PITPNM3: variants seen among roughly 807,000 people sequenced by gnomAD.
PITPNM3 encodes the protein membrane-associated phosphatidylinositol transfer protein 3.
In PITPNM3, 26 loss-of-function variants were observed where a neutral mutation model predicts 102.0. The ratio of observed to expected loss-of-function variants is 0.25; its 90% CI spans 0.19 to 0.35. The LOEUF (loss-of-function observed/expected upper bound fraction) is 0.35, where lower values mean the gene tolerates loss of function less well. Among genes scored for constraint, PITPNM3 ranks in the 10% least tolerant of loss-of-function variants. PITPNM3 has a pLI of 1.00. For synonymous variants in PITPNM3, 578 were observed against 558.6 expected (o/e 1.03, Z -0.49); for missense variants, 1,083 against 1,346.1 (o/e 0.80, Z 3.06).
At chr17:6,494,317 C>T (rs935998453) in intron 4 of PITPNM3, among the ~76,000 whole-genome samples, 1 of 152,186 alleles carries the variant, frequency 6.6e-6, no homozygotes, top group African/African-American at 2.4e-5. Flanking sequence ...GCCCTGCCTC[C>T]TCAGGGAGAC....
chr17:6,540,560 C>A (rs558439636), intron 1 of PITPNM3, among the ~76,000 whole-genome samples: 16 of 152,276 alleles, frequency 1.1e-4, no homozygotes, highest in African/African-American at 3.4e-4. Context: ...TTTATTATTG[C>A]GGCTCTCTTT....
At chr17:6,456,216 C>T (rs1266221694) in intron 19 of PITPNM3, among the ~76,000 whole-genome samples, 6 of 151,992 alleles carry the variant, frequency 3.9e-5, no homozygotes, top group African/African-American at 4.8e-5. Context: ...GTAGAAACAG[C>T]GTCTTGCTAT....
intron 4 of PITPNM3, among the ~76,000 whole-genome samples, chr17:6,498,114 G>A (rs1906948618): frequency 6.6e-6 from 1 of 152,226 alleles, no homozygotes; most frequent in Non-Finnish European, 1.5e-5. Flanking sequence ...TATTGCAGCA[G>A]GAGGGGTGAG....
rs188366556 is a variant in PITPNM3, at chr17:6,504,552, G to C, written c.227-978C>G. ...CAGGCAGGGGTAAACAATGGGAAGA[G>C]TGTCCAGCTGGAATCTGGAGGCTGA... On this transcript the variant is annotated intron_variant, in intron 3 of 19. Transcript: ENST00000262483. 2.4e-3 allele frequency among the ~76,000 whole-genome samples: 369 copies of C among 152,284 alleles called. 1 individual carries two copies. Among genetic ancestry groups the C allele is most frequent in the Non-Finnish European group, 4.2e-3 (286 of 68,012 alleles).
At position 6,483,587 on chromosome 17, in the gene PITPNM3, G is replaced by A; in HGVS notation, c.517C>T (p.Leu173=). 2.5e-6 allele frequency: 4 copies of A among 1,614,106 alleles called. No individual in the cohort carries two copies. Among genetic ancestry groups the A allele is most frequent in the Non-Finnish European group, 3.4e-6 (4 of 1,180,022 alleles). The change falls in exon 6 of 20, where the codon CTG becomes TTG. Residue 173 remains leucine, a synonymous_variant. Transcript: ENST00000262483. The stretch of plus-strand genomic sequence containing the variant: ...ACGAACTTGATGAGGATGTGGCCCA[G>A]GGCAGCAGGGAAATGGGCTCGTGTG... ...KVTRAHFPAA[L]GHILIKFVPC... is the part of the protein sequence containing the mutation.
At chr17:6,535,590 C>T (rs1909367249) in intron 2 of PITPNM3, among the ~76,000 whole-genome samples, 2 of 151,760 alleles carry the variant, frequency 1.3e-5, no homozygotes, top group South Asian at 2.1e-4. Context: ...TGGGGAAAGA[C>T]GGGAGAGTCT....
In PITPNM3 at chr17:6,472,115, T is replaced by C. The variant is rs1456873455; in HGVS notation, c.1429+542A>G. Among the ~76,000 whole-genome samples the C allele has an allele frequency of 2.6e-5, 4 of 152,190 alleles. No homozygotes were observed. The highest frequency in any genetic ancestry group is 6.5e-5 in the Admixed American group (1 of 15,284). ...TCCCATCGACGATACACTCGGTCCATGCCCGGTTCACCCCACTTGACCCTG... is the reference window on the plus strand; with the variant it reads ...TCCCATCGACGATACACTCGGTCCACGCCCGGTTCACCCCACTTGACCCTG... On this transcript the variant is annotated intron_variant, in intron 11 of 19. Coordinates refer to ENST00000262483, the MANE Select transcript of PITPNM3 (RefSeq NM_031220.4). This position sits in a 1 kb window ranked among gnomAD's most constrained non-coding sequence, Gnocchi z 4.1.
At chr17:6,508,802 G>C (rs1907697686) in intron 3 of PITPNM3, among the ~76,000 whole-genome samples, 1 of 152,150 alleles carries the variant, frequency 6.6e-6, no homozygotes, top group Non-Finnish European at 1.5e-5. Context: ...GTGGCGCCCG[G>C]ACAGTAGGAA....
intron 4 of PITPNM3, among the ~76,000 whole-genome samples, chr17:6,492,216 C>A (rs1193970294): frequency 6.7e-6 from 1 of 148,518 alleles, no homozygotes; most frequent in South Asian, 2.1e-4. Context: ...GGCGCCCCCC[C>A]ACCATGCCCA....
rs556973141 is a variant in PITPNM3, at chr17:6,517,849, T to C, written c.226+7507A>G. 7.9e-5 allele frequency among the ~76,000 whole-genome samples: 12 copies of C among 152,292 alleles called. No individual in the cohort carries two copies. The highest frequency in any genetic ancestry group is 2.4e-4 in the African/African-American group (10 of 41,554). ...TATTGGGATTACAGGCATGAGCCAC[T>C]GTACCTGGCCAAAAATACCAGTTTT... On this transcript the variant is annotated intron_variant, in intron 3 of 19. Coordinates refer to ENST00000262483, the MANE Select transcript of PITPNM3 (RefSeq NM_031220.4). The surrounding 1 kb of genome is among the most constrained non-coding windows in gnomAD (Gnocchi z 4.1).
chr17:6,482,036 G>GTCTCTCTC lies in PITPNM3; in HGVS notation c.587+1480_587+1481insGAGAGAGA, dbSNP rs1567670360. Among the ~76,000 whole-genome samples, 31 of 25,840 alleles carry GTCTCTCTC rather than the reference G, an allele frequency of 1.2e-3. 2 individuals are homozygous for GTCTCTCTC. Among genetic ancestry groups the GTCTCTCTC allele is most frequent in the Non-Finnish European group, 1.6e-3 (20 of 12,762 alleles). 17.0% of individuals were successfully genotyped at this position (25,840 alleles called of 152,430 possible). ...TCTCTCTCTCTCTCTCTCTCTCTCT[G>GTCTCTCTC]TCTGTCTCTCTCTCTCTCTCTCTCT... On this transcript the variant is annotated intron_variant, in intron 6 of 19. Coordinates refer to ENST00000262483, the MANE Select transcript of PITPNM3 (RefSeq NM_031220.4).
intron 6 of PITPNM3, among the ~76,000 whole-genome samples, chr17:6,482,644 G>A (rs924360886): frequency 2.6e-5 from 4 of 152,156 alleles, no homozygotes; most frequent in African/African-American, 9.7e-5. Context: ...GGGCAGTCTT[G>A]TGGGACCAAG....
At chr17:6,555,541 T>C (rs1910553338) in intron 1 of PITPNM3, among the ~76,000 whole-genome samples, 1 of 152,104 alleles carries the variant, frequency 6.6e-6, no homozygotes. Context: ...TGGGCACAGC[T>C]GTCCTCCACC....
At chr17:6,485,840 A>G (rs1029522585) in intron 4 of PITPNM3, among the ~76,000 whole-genome samples, 5 of 152,182 alleles carry the variant, frequency 3.3e-5, no homozygotes, top group African/African-American at 1.2e-4. Context: ...AATCTGCCCC[A>G]CTGCCTGTTT....
At chr17:6,503,024 C>T (rs1359437168) in intron 4 of PITPNM3, among the ~76,000 whole-genome samples, 2 of 152,230 alleles carry the variant, frequency 1.3e-5, no homozygotes, top group Non-Finnish European at 2.9e-5. Context: ...TGGAGCAATA[C>T]TGAGGATCAT....
chr17:6,483,477 A>G (rs1349265605), intron 6 of PITPNM3, 40 bp downstream of exon 6: 13 of 1,578,190 alleles, frequency 8.2e-6, no homozygotes, highest in Non-Finnish European at 1.1e-5. Context: ...TAGTTCCCCC[A>G]CCAACCCCAA....
rs1407035121 is a variant in PITPNM3 at position 6,478,637 on chromosome 17, G to A, written c.687C>T (p.Tyr229=). Reference sequence around the variant, plus strand: ...CGATGACGGTGGCGACAGCATCCTGGTACTGCGGGGAGGAGATGGCCAACA... The same window carrying A: ...CGATGACGGTGGCGACAGCATCCTGATACTGCGGGGAGGAGATGGCCAACA... ...LPLLAISSPQ[Y]QDAVATVIER... is the part of the protein sequence containing the mutation. The change falls in exon 7 of 20, where the codon TAC becomes TAT. Residue 229 remains tyrosine, a synonymous_variant. Coordinates refer to ENST00000262483, the MANE Select transcript of PITPNM3 (RefSeq NM_031220.4). This position sits in a 1 kb window ranked among gnomAD's most constrained non-coding sequence, Gnocchi z 4.4. The A allele has an allele frequency of 6.2e-7, 1 of 1,613,964 alleles. No homozygotes were observed. The highest frequency in any genetic ancestry group is 2.2e-5 in the East Asian group (1 of 44,856).
intron 3 of PITPNM3, among the ~76,000 whole-genome samples, chr17:6,518,880 TTTG>T (rs1908330791): frequency 6.6e-6 from 1 of 152,198 alleles, no homozygotes; most frequent in Non-Finnish European, 1.5e-5. Context: ...GAGGGCCATG[TTTG>T]TTGGTAAAAC....
intron 1 of PITPNM3, among the ~76,000 whole-genome samples, chr17:6,547,571 C>T (rs773076093): frequency 2.8e-4 from 43 of 152,262 alleles, no homozygotes; most frequent in South Asian, 1.5e-3. Flanking sequence ...CCCAGGAGGG[C>T]AGCCCGAAAG....
Sources: allele counts gnomAD v4.1 joint callset (sites outside exome capture counted in the v4.1 genomes callset), GRCh38; gene constraint gnomAD v4.1.1; non-coding constraint Gnocchi (gnomAD v3.1); transcripts MANE v1.5; gene names NCBI Gene and HGNC (gene_info 2026-07-23, HGNC 2026-07-21).